RBMS2: variants seen among roughly 807,000 people sequenced by gnomAD.
RBMS2 encodes the protein RNA-binding motif, single-stranded-interacting protein 2.
Under a neutral mutation model 58.4 loss-of-function variants are expected in RBMS2, and 38 were observed. The observed-to-expected ratio is 0.65, with a 90% CI of 0.50 to 0.85. The LOEUF (loss-of-function observed/expected upper bound fraction) is 0.85, where lower values mean the gene tolerates loss of function less well. Ranked by LOEUF, RBMS2 falls within the 40% of genes least tolerant of loss-of-function variation. The probability of loss-of-function intolerance (pLI) is 0.00; values close to 1 mark genes in which losing one functional copy is unlikely to be tolerated. For synonymous variants in RBMS2, 151 were observed against 180.7 expected (o/e 0.84, Z 1.32); for missense variants, 367 against 503.7 (o/e 0.73, Z 2.60).
intron 2 of RBMS2, among the ~76,000 whole-genome samples, chr12:56,568,345 T>C (rs1434762792): frequency 6.6e-6 from 1 of 152,164 alleles, no homozygotes; most frequent in African/African-American, 2.4e-5. Context: ...ACACACTCTT[T>C]CGTGTGGACA....
chr12:56,557,927 G>A (rs935286649), intron 1 of RBMS2, among the ~76,000 whole-genome samples: 1 of 149,644 alleles, frequency 6.7e-6, no homozygotes, highest in Non-Finnish European at 1.5e-5. Flanking sequence ...TAGCAGAGAC[G>A]GGGTTTCTCC....
intron 1 of RBMS2, among the ~76,000 whole-genome samples, chr12:56,531,712 C>G (rs1476752235): frequency 1.3e-5 from 2 of 150,596 alleles, no homozygotes; most frequent in African/African-American, 2.4e-5. Context: ...CCTGTAATCC[C>G]AGCTACTTGG....
intron 1 of RBMS2, among the ~76,000 whole-genome samples, chr12:56,555,494 C>T (rs1368113221): frequency 6.6e-6 from 1 of 151,062 alleles, no homozygotes. Flanking sequence ...GTGGCTCATA[C>T]CTGTAATCCA....
At chr12:56,558,083 C>T (rs1301508713) in intron 1 of RBMS2, among the ~76,000 whole-genome samples, 47 of 91,216 alleles carry the variant, frequency 5.2e-4, no homozygotes, top group Middle Eastern at 8.8e-3. Context: ...CTTGCTCTGT[C>T]GCCCAGGCTG....
At chr12:56,564,020 C>A (rs1880893057) in intron 2 of RBMS2, among the ~76,000 whole-genome samples, 1 of 151,958 alleles carries the variant, frequency 6.6e-6, no homozygotes, top group African/African-American at 2.4e-5. Flanking sequence ...AATTCTCTCA[C>A]ATCACAAGAC....
chr12:56,584,551 C>T (rs1220709961), intron 9 of RBMS2, among the ~76,000 whole-genome samples: 1 of 151,720 alleles, frequency 6.6e-6, no homozygotes, highest in African/African-American at 2.4e-5. Context: ...TTTGGGAGGC[C>T]GAGGAGGGCG....
chr12:56,561,761 C>G (rs1007507748), intron 1 of RBMS2, among the ~76,000 whole-genome samples: 31 of 31,146 alleles, frequency 1.0e-3, no homozygotes, highest in Non-Finnish European at 4.9e-3. Flanking sequence ...GTGATCCACC[C>G]CCCCCCTCCT....
chr12:56,526,908 GA>G (rs1391021342), intron 1 of RBMS2, among the ~76,000 whole-genome samples: 2 of 151,888 alleles, frequency 1.3e-5, no homozygotes, highest in African/African-American at 2.4e-5. Context: ...ATTTCCTTTG[GA>G]AAAAAAGAAA....
At chr12:56,571,669 G>T in intron 4 of RBMS2, 29 bp from the exon 5 acceptor site, 1 of 1,495,110 alleles carries the variant, frequency 6.7e-7, no homozygotes, top group African/African-American at 1.4e-5. Context: ...AGAGATGTGA[G>T]CCTCATTTTC....
intron 9 of RBMS2, among the ~76,000 whole-genome samples, chr12:56,582,449 G>A (rs893182868): frequency 1.3e-5 from 2 of 152,068 alleles, no homozygotes; most frequent in African/African-American, 4.8e-5. Context: ...AGCATTTGGG[G>A]AGTTGTTTAT....
rs1565778730 is a variant in RBMS2 at position 56,581,437 on chromosome 12, GGGCCAAA to G, written c.663_669del (p.Pro222AsnfsTer26). The stretch of plus-strand genomic sequence containing the variant: ...CTTGCTTTGCAAATTTGCTGATGGC[GGGCCAAA>G]GAAACGACAGAACCAAGGAAAATTT... On this transcript the variant is annotated frameshift_variant, in exon 7 of 14. Transcript: ENST00000262031. LOFTEE classifies it high-confidence loss of function. 1 of 1,614,162 alleles carries G rather than the reference GGGCCAAA, an allele frequency of 6.2e-7. No homozygotes were observed. The highest frequency in any genetic ancestry group is 8.5e-7 in the Non-Finnish European group (1 of 1,180,036).
intron 1 of RBMS2, among the ~76,000 whole-genome samples, chr12:56,538,765 C>A (rs1875494759): frequency 6.6e-6 from 1 of 152,108 alleles, no homozygotes; most frequent in African/African-American, 2.4e-5. Flanking sequence ...CAGGCGTGAG[C>A]CACCGCACCT....
intron 1 of RBMS2, among the ~76,000 whole-genome samples, chr12:56,558,590 C>CT (rs10676323): frequency 0.18 from 16,600 of 91,610 alleles, 1,799 homozygotes; most frequent in Middle Eastern, 0.26. Context: ...TTTCTTTTTC[C>CT]TTTTTTTTTT....
intron 1 of RBMS2, among the ~76,000 whole-genome samples, chr12:56,526,814 T>C (rs1592312292): frequency 6.6e-6 from 1 of 152,024 alleles, no homozygotes; most frequent in East Asian, 1.9e-4. Context: ...ATTTCAAACT[T>C]GTAAAGGGCC....
At chr12:56,542,098 G>A (rs1339788330) in intron 1 of RBMS2, among the ~76,000 whole-genome samples, 5 of 151,988 alleles carry the variant, frequency 3.3e-5, no homozygotes. Context: ...TCCTGGTGGA[G>A]TGCAGTAGCA....
chr12:56,553,893 C>T (rs181597957), intron 1 of RBMS2, among the ~76,000 whole-genome samples: 6 of 149,890 alleles, frequency 4.0e-5, no homozygotes, highest in Non-Finnish European at 5.9e-5. Flanking sequence ...GACACGATCT[C>T]GGCTCACTGC....
In RBMS2 at chr12:56,553,795, A is replaced by T. The variant is rs903556973; in HGVS notation, c.67-8622A>T. On this transcript the variant is annotated intron_variant, in intron 1 of 13. Coordinates refer to ENST00000262031, the MANE Select transcript of RBMS2 (RefSeq NM_002898.4). ...AGTCTGTAAAAATTGAGTCTTTTTTAAAAAAAGAATTCTTGTAATTTAATT... is the reference window on the plus strand; with the variant it reads ...AGTCTGTAAAAATTGAGTCTTTTTTTAAAAAAGAATTCTTGTAATTTAATT... Among the ~76,000 whole-genome samples the T allele has an allele frequency of 2.0e-5, 3 of 150,858 alleles. No homozygotes were observed. In the East Asian group the frequency reaches 5.9e-4, roughly 30 times the overall value.
chr12:56,544,825 C>G (rs1876860377), intron 1 of RBMS2, among the ~76,000 whole-genome samples: 2 of 134,052 alleles, frequency 1.5e-5, no homozygotes, highest in Non-Finnish European at 3.1e-5. Context: ...AACTCCTGGG[C>G]TCAAGCAATC....
At chr12:56,543,511 C>CTT (rs78482928) in intron 1 of RBMS2, among the ~76,000 whole-genome samples, 52 of 134,574 alleles carry the variant, frequency 3.9e-4, no homozygotes, top group Admixed American at 7.6e-4. Flanking sequence ...TGAGAGTCAC[C>CTT]TTTTTTTTTT....
Sources: gnomAD v4.1 joint callset for allele counts (sites outside exome capture counted in the v4.1 genomes callset) on GRCh38, gnomAD v4.1.1 for gene constraint, MANE v1.5 for transcripts, NCBI Gene and HGNC (gene_info 2026-07-23, HGNC 2026-07-21) for gene names.